The following KIRREL3 variants were observed in gnomAD, a reference collection of about 807,000 sequenced individuals.
The protein encoded by KIRREL3 is kirre like nephrin family adhesion molecule 3.
KIRREL3 carries 36 observed loss-of-function variants against 89.7 expected under a neutral mutation model. The ratio of observed to expected loss-of-function variants is 0.40; its 90% CI spans 0.31 to 0.53. The LOEUF (loss-of-function observed/expected upper bound fraction) is 0.53, where lower values mean the gene tolerates loss of function less well. Among genes scored for constraint, KIRREL3 ranks in the 20% least tolerant of loss-of-function variants. The pLI, the probability that KIRREL3 is intolerant of heterozygous loss-of-function variation, is 0.49. For missense variants in KIRREL3, 864 were observed against 1,056.6 expected (o/e 0.82, Z 2.53); for synonymous variants, 445 against 441.4 (o/e 1.01, Z -0.10).
At position 126,515,160 on chromosome 11, in the gene KIRREL3, G is replaced by A. The variant is rs996965526; in HGVS notation, c.433+6155C>T. On this transcript the variant is annotated intron_variant, in intron 4 of 16. Transcript: ENST00000525144. The surrounding 1 kb of genome is among the most constrained non-coding windows in gnomAD (Gnocchi z 4.2). ...AAGGAGGCTGGGCGCGATGGCTCAC[G>A]CCTGTAATCTCAGCATTTTAGGAGG... 6.6e-6 allele frequency among the ~76,000 whole-genome samples: 1 copy of A among 152,188 alleles called. No homozygotes were observed. Among genetic ancestry groups the A allele is most frequent in the Non-Finnish European group, 1.5e-5 (1 of 68,034 alleles).
At position 126,754,217 on chromosome 11, in the gene KIRREL3, C is replaced by G. The variant is rs1457498764; in HGVS notation, c.56-191305G>C. 6.6e-6 allele frequency among the ~76,000 whole-genome samples: 1 copy of G among 152,134 alleles called. No homozygotes were observed. The highest frequency in any genetic ancestry group is 2.4e-5 in the African/African-American group (1 of 41,420). ...TTGCAATGTCTTTTGATAGAGTAGTCCCTGCCAAAAGTTTTGCTTTGCATC... is the reference window on the plus strand; with the variant it reads ...TTGCAATGTCTTTTGATAGAGTAGTGCCTGCCAAAAGTTTTGCTTTGCATC... On this transcript the variant is annotated intron_variant, in intron 1 of 16. Coordinates refer to ENST00000525144, the MANE Select transcript of KIRREL3 (RefSeq NM_032531.4). The surrounding 1 kb of genome is among the most constrained non-coding windows in gnomAD (Gnocchi z 5.1).
At position 126,908,379 on chromosome 11, in the gene KIRREL3, T is replaced by C. The variant is rs1946671585; in HGVS notation, c.55+92076A>G. On this transcript the variant is annotated intron_variant, in intron 1 of 16. Coordinates refer to ENST00000525144, the MANE Select transcript of KIRREL3 (RefSeq NM_032531.4). The surrounding 1 kb of genome is among the most constrained non-coding windows in gnomAD (Gnocchi z 4.2). ...GCAAGGACTCCGAAGCAGGACTGCT[T>C]GTGTTCAAAACTGGCCTCCATCTCT... 6.6e-6 allele frequency among the ~76,000 whole-genome samples: 1 copy of C among 152,198 alleles called. No homozygotes were observed. Among genetic ancestry groups the C allele is most frequent in the African/African-American group, 2.4e-5 (1 of 41,436 alleles).
chr11:126,494,628 GA>G (rs1264438836), intron 4 of KIRREL3, among the ~76,000 whole-genome samples: 1 of 152,230 alleles, frequency 6.6e-6, no homozygotes, highest in African/African-American at 2.4e-5. Context: ...GCCTGAGAAT[GA>G]TGCCTCACTC....
Position 126,485,755 on chromosome 11 carries a change from C to T in KIRREL3, c.434-12289G>A, listed in dbSNP as rs1382122214. 6.6e-6 allele frequency among the ~76,000 whole-genome samples: 1 copy of T among 152,238 alleles called. No homozygotes were observed. Among genetic ancestry groups the T allele is most frequent in the Non-Finnish European group, 1.5e-5 (1 of 68,046 alleles). ...CTATTACCTTGTTCCATGCCCAGCC[C>T]TGGACTCCTGAGATGGAATGGTCAG... On this transcript the variant is annotated intron_variant, in intron 4 of 16. Transcript: ENST00000525144. This position sits in a 1 kb window ranked among gnomAD's most constrained non-coding sequence, Gnocchi z 5.8.
rs1365765314 is a variant in KIRREL3, at chr11:126,677,411, G to A, written c.56-114499C>T. On this transcript the variant is annotated intron_variant, in intron 1 of 16. Transcript: ENST00000525144. The surrounding 1 kb of genome is among the most constrained non-coding windows in gnomAD (Gnocchi z 5.1). Reference sequence around the variant, plus strand: ...TAACCGAATCTCCATTCTGGAGAAAGGATGTTGGCATAGTCTGGGTGCTTT... The same window carrying A: ...TAACCGAATCTCCATTCTGGAGAAAAGATGTTGGCATAGTCTGGGTGCTTT... 6.6e-6 allele frequency among the ~76,000 whole-genome samples: 1 copy of A among 152,208 alleles called. No homozygotes were observed. Among genetic ancestry groups the A allele is most frequent in the South Asian group, 2.1e-4 (1 of 4,826 alleles).
intron 1 of KIRREL3, among the ~76,000 whole-genome samples, chr11:126,826,740 C>T (rs148097060): frequency 6.6e-6 from 1 of 152,282 alleles, no homozygotes; most frequent in East Asian, 1.9e-4. Context: ...CTGACAGCAC[C>T]ATTTCTACTC....
In KIRREL3 at chr11:126,724,769, A is replaced by T. The variant is rs888821077; in HGVS notation, c.56-161857T>A. ...ATGGGCCAAGGGTTCTTAGTATTAGATAAGAGTCAGGATTATTAGACCTGC... is the reference window on the plus strand; with the variant it reads ...ATGGGCCAAGGGTTCTTAGTATTAGTTAAGAGTCAGGATTATTAGACCTGC... On this transcript the variant is annotated intron_variant, in intron 1 of 16. Transcript: ENST00000525144. This position sits in a 1 kb window ranked among gnomAD's most constrained non-coding sequence, Gnocchi z 4.3. 1.3e-5 allele frequency among the ~76,000 whole-genome samples: 2 copies of T among 152,190 alleles called. No homozygotes were observed. The highest frequency in any genetic ancestry group is 1.5e-5 in the Non-Finnish European group (1 of 68,040).
intron 5 of KIRREL3, 26 bp downstream of exon 5, chr11:126,473,283 C>T: frequency 3.7e-6 from 4 of 1,074,306 alleles, no homozygotes; most frequent in Non-Finnish European, 2.5e-6. Flanking sequence ...CCCGTCCACA[C>T]CCACCCCCTC....
In KIRREL3 at chr11:126,897,985, G is replaced by A. The variant is rs138876636; in HGVS notation, c.55+102470C>T. 2.0e-5 allele frequency among the ~76,000 whole-genome samples: 3 copies of A among 152,282 alleles called. No individual in the cohort carries two copies. In the East Asian group the frequency reaches 5.8e-4, roughly 29 times the overall value. On this transcript the variant is annotated intron_variant, in intron 1 of 16. Transcript: ENST00000525144. This position sits in a 1 kb window ranked among gnomAD's most constrained non-coding sequence, Gnocchi z 4.2. ...AGCTTGGACTGTCCACACTGGTCTA[G>A]CACTATTGTGTCACTGAATTCCTAC...
intron 1 of KIRREL3, among the ~76,000 whole-genome samples, chr11:126,717,647 A>G (rs1047544013): frequency 5.3e-5 from 8 of 152,140 alleles, no homozygotes; most frequent in African/African-American, 1.9e-4. Flanking sequence ...GTCTGTTTTA[A>G]TGAGTTCAGA....
At chr11:126,973,099 G>GAAAAAAA (rs763115363) in intron 1 of KIRREL3, among the ~76,000 whole-genome samples, 1 of 41,134 alleles carries the variant, frequency 2.4e-5, no homozygotes, top group African/African-American at 8.7e-5. Context: ...TAAGTTTTGA[G>GAAAAAAA]GAAAAAAAAA....
rs148664935 is a variant in KIRREL3, at chr11:126,521,690, G to C, written c.284-226C>G. ...TCTCTCTCTGTATGTGTGTGTGTGTGTGTGTGTGTGTGTGTGTGTGTGTGT... is the reference window on the plus strand; with the variant it reads ...TCTCTCTCTGTATGTGTGTGTGTGTCTGTGTGTGTGTGTGTGTGTGTGTGT... On this transcript the variant is annotated intron_variant, in intron 3 of 16. Coordinates refer to ENST00000525144, the MANE Select transcript of KIRREL3 (RefSeq NM_032531.4). This position sits in a 1 kb window ranked among gnomAD's most constrained non-coding sequence, Gnocchi z 4.1. Among the ~76,000 whole-genome samples, 42 of 7,076 alleles carry C rather than the reference G, an allele frequency of 5.9e-3. No individual in the cohort carries two copies. The highest frequency in any genetic ancestry group is 0.011 in the African/African-American group (34 of 3,000). 4.6% of individuals were successfully genotyped at this position (7,076 alleles called of 152,430 possible). A position where few individuals can be genotyped will look rare whatever the true frequency, so the allele number is the denominator to read the frequency against.
chr11:126,867,869 C>T lies in KIRREL3; in HGVS notation c.55+132586G>A, dbSNP rs1047855512. Among the ~76,000 whole-genome samples, 2 of 152,108 alleles carry T rather than the reference C, an allele frequency of 1.3e-5. No homozygotes were observed. Among genetic ancestry groups the T allele is most frequent in the African/African-American group, 4.8e-5 (2 of 41,422 alleles). On this transcript the variant is annotated intron_variant, in intron 1 of 16. Coordinates refer to ENST00000525144, the MANE Select transcript of KIRREL3 (RefSeq NM_032531.4). The surrounding 1 kb of genome is among the most constrained non-coding windows in gnomAD (Gnocchi z 4.7). ...TAGTTCTGCAATAAAACTGTGGACT[C>T]CCCACGGATGCCATGCATGTCTTAT...
At position 126,635,161 on chromosome 11, in the gene KIRREL3, G is replaced by A. The variant is rs1463350548; in HGVS notation, c.56-72249C>T. On this transcript the variant is annotated intron_variant, in intron 1 of 16. Transcript: ENST00000525144. This position sits in a 1 kb window ranked among gnomAD's most constrained non-coding sequence, Gnocchi z 4.0. ...TGAACCCAACAAAAGGGTCTGCAGT[G>A]AGGCAGGGCTGGACAGCTCCACCTC... Among the ~76,000 whole-genome samples the A allele has an allele frequency of 1.3e-5, 2 of 152,254 alleles. No homozygotes were observed. Among genetic ancestry groups the A allele is most frequent in the African/African-American group, 4.8e-5 (2 of 41,460 alleles).
chr11:126,992,112 A>G (rs933742747), intron 1 of KIRREL3, among the ~76,000 whole-genome samples: 1 of 152,358 alleles, frequency 6.6e-6, no homozygotes, highest in African/African-American at 2.4e-5. Flanking sequence ...AACACCCTCA[A>G]CAACCAAAAG....
chr11:126,801,838 G>A (rs1480265936), intron 1 of KIRREL3, among the ~76,000 whole-genome samples: 1 of 152,160 alleles, frequency 6.6e-6, no homozygotes, highest in Admixed American at 6.5e-5. Context: ...TGGAGGATGA[G>A]GCAGGAGGAT....
At chr11:126,944,272 A>T (rs796728194) in intron 1 of KIRREL3, 1 of 152,186 alleles carries the variant, frequency 6.6e-6, no homozygotes, top group African/African-American at 2.4e-5. Flanking sequence ...CTCTTGTGTC[A>T]TGTAAGACTT....
intron 13 of KIRREL3, among the ~76,000 whole-genome samples, chr11:126,433,075 C>G (rs1254134661): frequency 6.6e-6 from 1 of 152,162 alleles, no homozygotes; most frequent in Non-Finnish European, 1.5e-5. Flanking sequence ...GATAGGGTTT[C>G]ACCATGTTGG....
rs367632640 is a variant in KIRREL3, at chr11:127,000,479, C to G, written c.31G>C (p.Val11Leu). The G allele has an allele frequency of 3.7e-6, 6 of 1,608,200 alleles. No individual in the cohort carries two copies. In the African/African-American group the frequency reaches 8.0e-5, roughly 22 times the overall value. The part of the protein sequence containing the change: MKPFQLDLLF[V>L]CFFLFSQELG... ...CCTTGACTGAAGAGGAAGAAGCAGA[C>G]GAAGAGCAGATCGAGCTGGAAGGGT... The change falls in exon 1 of 17, where the codon GTC (valine) becomes CTC (leucine). Residue 11 changes from valine to leucine, a missense_variant. Val to Leu is a conservative substitution (Grantham distance 32, BLOSUM62 1). Coordinates refer to ENST00000525144, the MANE Select transcript of KIRREL3 (RefSeq NM_032531.4). The surrounding 1 kb of genome is among the most constrained non-coding windows in gnomAD (Gnocchi z 7.1).
Sources: gnomAD v4.1 joint callset for allele counts (sites outside exome capture counted in the v4.1 genomes callset) on GRCh38, gnomAD v4.1.1 for gene constraint, Gnocchi (gnomAD v3.1) non-coding constraint, MANE v1.5 for transcripts, NCBI Gene and HGNC (gene_info 2026-07-23, HGNC 2026-07-21) for gene names.